INTS8: variants seen among roughly 807,000 people sequenced by gnomAD.
The protein encoded by INTS8 is integrator complex subunit 8.
Under a neutral mutation model 138.9 loss-of-function variants are expected in INTS8, and 47 were observed. The ratio of observed to expected loss-of-function variants is 0.34; its 90% CI spans 0.27 to 0.43. The LOEUF (loss-of-function observed/expected upper bound fraction) is 0.43, where lower values mean the gene tolerates loss of function less well. Among genes scored for constraint, INTS8 ranks in the 20% least tolerant of loss-of-function variants. The probability of loss-of-function intolerance (pLI) is 1.00; values close to 1 mark genes in which losing one functional copy is unlikely to be tolerated. For missense variants in INTS8, 996 were observed against 1,173.0 expected, an observed-to-expected ratio of 0.85 and a Z score of 2.20; for synonymous variants, 392 against 400.9, an observed-to-expected ratio of 0.98 and a Z score of 0.27.
chr8:94,851,474 A>C, intron 12 of INTS8, 79 bp from the exon 13 acceptor site: 1 of 1,014,666 alleles, frequency 9.9e-7, no homozygotes, highest in East Asian at 2.9e-5. Context: ...GATATAATAC[A>C]AAATACATAA....
chr8:94,831,625 G>T (rs1814719369), intron 5 of INTS8, among the ~76,000 whole-genome samples: 1 of 151,988 alleles, frequency 6.6e-6, no homozygotes, highest in East Asian at 1.9e-4. Flanking sequence ...GGGATTACAG[G>T]CGTCTGCCCC....
At chr8:94,829,164 C>T (rs1031857631) in intron 5 of INTS8, 138 bp downstream of exon 5, 40 of 657,184 alleles carry the variant, frequency 6.1e-5, no homozygotes, top group African/African-American at 1.1e-4. Context: ...GGGCGGGGGG[C>T]GAGGATGATT....
chr8:94,873,482 A>C lies in INTS8; in HGVS notation c.2637+5A>C, dbSNP rs770513456. 2.7e-5 allele frequency: 43 copies of C among 1,592,654 alleles called. No homozygotes were observed. The highest frequency in any genetic ancestry group is 3.4e-5 in the Non-Finnish European group (40 of 1,160,842). On this transcript the variant is annotated splice_donor_5th_base_variant and intron_variant, in intron 22 of 26. Coordinates refer to ENST00000523731, the MANE Select transcript of INTS8 (RefSeq NM_017864.4). ...CCTGATGTTTATACAGACCAGGTGA[A>C]TTGTTTTCGTGGGCTGGCTGGTTTC...
intron 9 of INTS8, among the ~76,000 whole-genome samples, chr8:94,842,017 C>T (rs1815152718): frequency 6.7e-6 from 1 of 150,270 alleles, no homozygotes; most frequent in South Asian, 2.1e-4. Context: ...TGCAGTGAGC[C>T]GAGATTGCAC....
intron 20 of INTS8, chr8:94,868,820 G>C (rs1232762281): frequency 6.6e-6 from 1 of 151,820 alleles, no homozygotes; most frequent in East Asian, 1.9e-4. Context: ...ACAGGTGCAT[G>C]CCACCACCCC....
chr8:94,834,127 T>A (rs192712292), intron 6 of INTS8, among the ~76,000 whole-genome samples: 2 of 152,320 alleles, frequency 1.3e-5, no homozygotes, highest in East Asian at 3.9e-4. Context: ...AGAAAAATTG[T>A]TATTTTTTTC....
intron 2 of INTS8, among the ~76,000 whole-genome samples, chr8:94,826,816 C>T (rs747029549): frequency 4.6e-5 from 7 of 152,026 alleles, no homozygotes; most frequent in African/African-American, 9.7e-5. Flanking sequence ...AAAATCTTTT[C>T]GCATTTAAGC....
intron 20 of INTS8, among the ~76,000 whole-genome samples, chr8:94,870,960 C>T (rs1268859897): frequency 6.6e-6 from 1 of 152,048 alleles, no homozygotes; most frequent in Non-Finnish European, 1.5e-5. Flanking sequence ...GCCAGGCTCA[C>T]AGTACTCTTT....
intron 5 of INTS8, 68 bp from the exon 6 acceptor site, chr8:94,831,922 CTG>C: frequency 1.6e-6 from 2 of 1,243,120 alleles, no homozygotes; most frequent in Non-Finnish European, 2.2e-6. Flanking sequence ...ACTAAATAGA[CTG>C]TAAATATTTT....
In INTS8 at chr8:94,880,806, G is replaced by A. The variant is rs1816780658; in HGVS notation, c.*572G>A. On this transcript the variant is annotated 3_prime_UTR_variant, in exon 27 of 27. Transcript: ENST00000523731. ...TAGGGATATCTTAGAGTAGTAAAGT[G>A]ACTTCCTCATATAAATAGTTTGAAA... The A allele has an allele frequency of 2.5e-6, 1 of 398,378 alleles. No individual in the cohort carries two copies. Among genetic ancestry groups the A allele is most frequent in the Non-Finnish European group, 4.4e-6 (1 of 225,770 alleles). 24.7% of individuals were successfully genotyped at this position (398,378 alleles called of 1,614,324 possible).
intron 20 of INTS8, among the ~76,000 whole-genome samples, chr8:94,870,053 A>T (rs980252494): frequency 7.3e-5 from 11 of 151,028 alleles, no homozygotes; most frequent in South Asian, 2.1e-4. Flanking sequence ...ATTTTTATTT[A>T]TTTATTTTTT....
At chr8:94,870,963 T>A (rs2078244138) in intron 20 of INTS8, among the ~76,000 whole-genome samples, 1 of 152,124 alleles carries the variant, frequency 6.6e-6, no homozygotes, top group Non-Finnish European at 1.5e-5. Context: ...AGGCTCACAG[T>A]ACTCTTTTCT....
intron 6 of INTS8, among the ~76,000 whole-genome samples, 166 bp downstream of exon 6, chr8:94,832,340 A>G (rs1426872934): frequency 6.6e-6 from 1 of 152,222 alleles, no homozygotes; most frequent in Non-Finnish European, 1.5e-5. Flanking sequence ...ACATTTTTCT[A>G]AAAGAAATGG....
intron 26 of INTS8, among the ~76,000 whole-genome samples, chr8:94,878,895 TCTTC>T (rs1337145464): frequency 1.3e-5 from 2 of 152,224 alleles, no homozygotes. Flanking sequence ...TTTCTCTATT[TCTTC>T]CTTTTTGTTT....
chr8:94,881,527 A>AGG lies in INTS8; in HGVS notation c.*1295_*1296dup, dbSNP rs1178137412. The AGG allele has an allele frequency of 2.7e-5, 30 of 1,115,758 alleles. No homozygotes were observed. The highest frequency in any genetic ancestry group is 3.6e-5 in the Non-Finnish European group (28 of 775,830). 69.1% of individuals were successfully genotyped at this position (1,115,758 alleles called of 1,614,324 possible). Reference sequence around the variant, plus strand: ...TGGCAGTGTAACTTGTGAATTGGCTAGGGCAATCAATCACAGCACTACTTT... The same window carrying AGG: ...TGGCAGTGTAACTTGTGAATTGGCTAGGGGGCAATCAATCACAGCACTACTTT... On this transcript the variant is annotated 3_prime_UTR_variant, in exon 27 of 27. Transcript: ENST00000523731.
chr8:94,869,762 A>G (rs1816323351), intron 20 of INTS8, among the ~76,000 whole-genome samples: 1 of 152,146 alleles, frequency 6.6e-6, no homozygotes, highest in South Asian at 2.1e-4. Context: ...AAGTGCTGGG[A>G]TTACAGGCAT....
chr8:94,851,723 CT>C, intron 13 of INTS8, 37 bp downstream of exon 13: 1 of 1,526,146 alleles, frequency 6.6e-7, no homozygotes, highest in Non-Finnish European at 8.7e-7. Flanking sequence ...GAAAATTGCC[CT>C]TGTTTTCTGA....
Position 94,831,567 on chromosome 8 carries a change from C to T in INTS8, c.571-425C>T, listed in dbSNP as rs914169841. Among the ~76,000 whole-genome samples the T allele has an allele frequency of 5.3e-5, 8 of 151,288 alleles. No homozygotes were observed. The South Asian group carries it at 6.3e-4, about 12-fold the overall frequency. On this transcript the variant is annotated intron_variant, in intron 5 of 26. Transcript: ENST00000523731. ...CACGATCTTGGCTCACTGCGACCTC[C>T]ACCTCCCAGGTTCAAGCAATTCTCC...
chr8:94,867,114 AG>A (rs762450765), intron 18 of INTS8, 25 bp from the exon 19 acceptor site: 23 of 1,547,958 alleles, frequency 1.5e-5, no homozygotes, highest in Non-Finnish European at 2.0e-5. Flanking sequence ...ACACTGTTTA[AG>A]GATTCTGTGT....
Sources: allele counts gnomAD v4.1 joint callset (sites outside exome capture counted in the v4.1 genomes callset), GRCh38; gene constraint gnomAD v4.1.1; transcripts MANE v1.5; gene names NCBI Gene and HGNC (gene_info 2026-07-23, HGNC 2026-07-21).